The following TCERG1L variants were observed in gnomAD, a reference collection of about 807,000 sequenced individuals.
TCERG1L encodes the protein transcription elongation regulator 1-like protein.
Under a neutral mutation model 56.3 loss-of-function variants are expected in TCERG1L, and 37 were observed. That is an observed-to-expected ratio of 0.66 (90% CI 0.51 to 0.87). The LOEUF is 0.87. TCERG1L is among the 40% of genes least tolerant of loss of function. The pLI is 0.00. For missense variants in TCERG1L, 799 were observed against 774.2 expected, an observed-to-expected ratio of 1.03 and a Z score of -0.38; for synonymous variants, 324 against 326.3, an observed-to-expected ratio of 0.99 and a Z score of 0.08.
intron 4 of TCERG1L, among the ~76,000 whole-genome samples, chr10:131,240,337 C>T (rs1432152733): frequency 1.3e-5 from 2 of 152,188 alleles, no homozygotes; most frequent in Non-Finnish European, 2.9e-5. Context: ...CCACCCTGAC[C>T]CTTCCCCGTT....
Position 131,200,796 on chromosome 10 carries a change from C to A in TCERG1L, c.857-33911G>T, listed in dbSNP as rs150633315. Among the ~76,000 whole-genome samples the A allele has an allele frequency of 3.1e-3, 470 of 152,226 alleles. 1 individual carries two copies. Among genetic ancestry groups the A allele is most frequent in the African/African-American group, 1.0e-2 (414 of 41,516 alleles). Reference sequence around the variant, plus strand: ...TAGAATAATATAATTGAATATGTCCCCTCTAAAATTTAGAAGTTAAAACTT... The same window carrying A: ...TAGAATAATATAATTGAATATGTCCACTCTAAAATTTAGAAGTTAAAACTT... On this transcript the variant is annotated intron_variant, in intron 4 of 11. Coordinates refer to ENST00000368642, the MANE Select transcript of TCERG1L (RefSeq NM_174937.4).
intron 6 of TCERG1L, among the ~76,000 whole-genome samples, chr10:131,153,259 G>T (rs1320125129): frequency 3.9e-5 from 6 of 152,132 alleles, no homozygotes; most frequent in Admixed American, 3.9e-4. Flanking sequence ...CTCATCTCCA[G>T]CCAGGGCAGC....
At chr10:131,244,555 A>C (rs955021647) in intron 4 of TCERG1L, among the ~76,000 whole-genome samples, 17 of 152,070 alleles carry the variant, frequency 1.1e-4, no homozygotes, top group African/African-American at 4.1e-4. Context: ...GGGGACAGTT[A>C]GAGTTTGTCT....
intron 10 of TCERG1L, among the ~76,000 whole-genome samples, chr10:131,100,901 C>T (rs1317845215): frequency 6.6e-6 from 1 of 152,194 alleles, no homozygotes; most frequent in African/African-American, 2.4e-5. Context: ...GATGAGGTTG[C>T]AGGCACTTCT....
intron 10 of TCERG1L, among the ~76,000 whole-genome samples, chr10:131,101,657 G>A (rs1299211506): frequency 1.3e-5 from 2 of 152,102 alleles, no homozygotes; most frequent in East Asian, 3.9e-4. Context: ...CAGTGATTCT[G>A]TCACATAAAA....
chr10:131,199,130 G>A (rs1241644118), intron 4 of TCERG1L, among the ~76,000 whole-genome samples: 1 of 152,196 alleles, frequency 6.6e-6, no homozygotes, highest in East Asian at 1.9e-4. Flanking sequence ...GGCAGCCCCA[G>A]GCTCTCTGAA....
At chr10:131,229,432 T>C (rs1845826347) in intron 4 of TCERG1L, among the ~76,000 whole-genome samples, 1 of 152,236 alleles carries the variant, frequency 6.6e-6, no homozygotes, top group Non-Finnish European at 1.5e-5. Flanking sequence ...ACGCAGGTTT[T>C]ATGCTTCCTG....
intron 3 of TCERG1L, among the ~76,000 whole-genome samples, chr10:131,293,178 C>T (rs924447805): frequency 6.6e-6 from 1 of 152,042 alleles, no homozygotes; most frequent in Non-Finnish European, 1.5e-5. Context: ...ATCGTCAATG[C>T]CTGCCTTTAT....
intron 7 of TCERG1L, among the ~76,000 whole-genome samples, chr10:131,137,063 A>G (rs1845683305): frequency 6.6e-6 from 1 of 151,850 alleles, no homozygotes; most frequent in African/African-American, 2.4e-5. Context: ...TCACTTGAAA[A>G]CAGAAGGCAG....
chr10:131,243,995 C>T (rs190605937), intron 4 of TCERG1L, among the ~76,000 whole-genome samples: 19 of 152,330 alleles, frequency 1.2e-4, no homozygotes, highest in South Asian at 4.1e-4. Flanking sequence ...GCTAAGGTTT[C>T]GGCTGTGCAG....
intron 4 of TCERG1L, among the ~76,000 whole-genome samples, chr10:131,168,975 C>T (rs1846062204): frequency 6.6e-6 from 1 of 152,208 alleles, no homozygotes; most frequent in African/African-American, 2.4e-5. Flanking sequence ...CGGCTTTTCA[C>T]TGAACCAGGT....
At chr10:131,227,339 G>A (rs964633568) in intron 4 of TCERG1L, among the ~76,000 whole-genome samples, 1 of 152,240 alleles carries the variant, frequency 6.6e-6, no homozygotes, top group African/African-American at 2.4e-5. Context: ...CCAATTAGAA[G>A]AGTAGAGTCC....
intron 7 of TCERG1L, among the ~76,000 whole-genome samples, chr10:131,146,290 G>A (rs1046103069): frequency 2.6e-5 from 4 of 152,196 alleles, no homozygotes; most frequent in African/African-American, 9.6e-5. Context: ...CTTACGTGAT[G>A]CAAAAAGACA....
chr10:131,120,231 G>C (rs1260173816), intron 8 of TCERG1L, among the ~76,000 whole-genome samples: 2 of 152,154 alleles, frequency 1.3e-5, no homozygotes, highest in Non-Finnish European at 2.9e-5. Context: ...TAAAGCTGAG[G>C]TTTTCTGATT....
intron 4 of TCERG1L, among the ~76,000 whole-genome samples, chr10:131,247,747 ATGATTCTCAAACC>A (rs1846054708): frequency 6.6e-6 from 1 of 152,108 alleles, no homozygotes; most frequent in African/African-American, 2.4e-5. Flanking sequence ...CCTTTTCCAA[ATGATTCTCAAACC>A]TGATTCTCAA....
chr10:131,153,195 G>A (rs1170476101), intron 6 of TCERG1L, among the ~76,000 whole-genome samples: 1 of 152,094 alleles, frequency 6.6e-6, no homozygotes, highest in Non-Finnish European at 1.5e-5. Flanking sequence ...GAGGACGCTG[G>A]GTGCATGGCC....
intron 3 of TCERG1L, among the ~76,000 whole-genome samples, chr10:131,269,305 G>A (rs1057044349): frequency 2.6e-5 from 4 of 152,146 alleles, no homozygotes; most frequent in Non-Finnish European, 5.9e-5. Context: ...TCCTGCCTCA[G>A]ACTCCCGAGT....
At position 131,118,878 on chromosome 10, in the gene TCERG1L, C is replaced by A. The variant is rs1845485661; in HGVS notation, c.1260-1944G>T. On this transcript the variant is annotated intron_variant, in intron 8 of 11. Transcript: ENST00000368642. The surrounding 1 kb of genome is among the most constrained non-coding windows in gnomAD (Gnocchi z 4.2). ...TGCCCCAGGGGACATTTGGTAAGGT[C>A]TGGAAACATTTGTGGCTGCCACAAC... Among the ~76,000 whole-genome samples, 1 of 152,180 alleles carries A rather than the reference C, an allele frequency of 6.6e-6. No individual in the cohort carries two copies. Among genetic ancestry groups the A allele is most frequent in the African/African-American group, 2.4e-5 (1 of 41,438 alleles).
chr10:131,130,808 G>T (rs551774973), intron 8 of TCERG1L, among the ~76,000 whole-genome samples: 25 of 152,196 alleles, frequency 1.6e-4, no homozygotes, highest in African/African-American at 5.5e-4. Context: ...AGTGGTGGGG[G>T]AGTCACTGAC....
Sources: gnomAD v4.1 joint callset for allele counts (sites outside exome capture counted in the v4.1 genomes callset) on GRCh38, gnomAD v4.1.1 for gene constraint, Gnocchi (gnomAD v3.1) non-coding constraint, MANE v1.5 for transcripts, NCBI Gene and HGNC (gene_info 2026-07-23, HGNC 2026-07-21) for gene names.